HCRTR2: variants seen among roughly 807,000 people sequenced by gnomAD.
The protein encoded by HCRTR2 is orexin receptor type 2.
A neutral mutation model predicts 49.0 loss-of-function variants in HCRTR2; 22 were observed. The observed-to-expected ratio is 0.45, with a 90% confidence interval of 0.32 to 0.64. HCRTR2 has a LOEUF of 0.64. Among genes scored for constraint, HCRTR2 ranks in the 30% least tolerant of loss-of-function variants. The pLI is 0.04. For missense variants in HCRTR2, 491 were observed against 559.4 expected (o/e 0.88, Z 1.23); for synonymous variants, 236 against 205.3 (o/e 1.15, Z -1.28).
intron 1 of HCRTR2, among the ~76,000 whole-genome samples, chr6:55,247,136 GTGTGTGTGTGAATA>G (rs1013382503): frequency 1.5e-4 from 23 of 151,980 alleles, no homozygotes; most frequent in African/African-American, 5.5e-4. Context: ...GGGTGGGTTT[GTGTGTGTGTGAATA>G]TGTGTGTGTG....
chr6:55,282,202 C>T (rs778334041), intron 6 of HCRTR2, 23 bp from the exon 7 acceptor site: 5 of 1,548,730 alleles, frequency 3.2e-6, no homozygotes, highest in Middle Eastern at 1.7e-4. Context: ...ATTCCTTTTC[C>T]TTTCATTCTC....
chr6:55,222,807 G>T (rs1765923936), intron 1 of HCRTR2, among the ~76,000 whole-genome samples: 1 of 152,174 alleles, frequency 6.6e-6, no homozygotes, highest in Admixed American at 6.5e-5. Context: ...TTGCATTTCA[G>T]TGGGTATAGA....
chr6:55,123,608 C>T (rs1282339213), intron 1 of HCRTR2, among the ~76,000 whole-genome samples: 1 of 151,978 alleles, frequency 6.6e-6, no homozygotes, highest in Non-Finnish European at 1.5e-5. Flanking sequence ...GTGTCTCTGC[C>T]AGGTTTTGCT....
At chr6:55,187,981 A>T (rs1327980807) in intron 1 of HCRTR2, among the ~76,000 whole-genome samples, 1 of 151,752 alleles carries the variant, frequency 6.6e-6, no homozygotes, top group South Asian at 2.1e-4. Context: ...ACAGGTTTTC[A>T]CCATGTTAGC....
rs187909334 is a variant in HCRTR2 at position 55,157,158 on chromosome 6, A to G, written c.-377-17053A>G. The stretch of plus-strand genomic sequence containing the variant: ...TACACACTCACAACTACCAGAGTTA[A>G]TAAATGGGTTCTACAAAGTTGCAGG... On this transcript the variant is annotated intron_variant, in intron 1 of 7. Transcript: ENST00000615358. Among the ~76,000 whole-genome samples the G allele has an allele frequency of 2.2e-3, 341 of 152,340 alleles. 1 individual carries two copies. Among genetic ancestry groups the G allele is most frequent in the African/African-American group, 7.9e-3 (329 of 41,580 alleles).
chr6:55,250,599 C>G (rs976826823), intron 2 of HCRTR2, among the ~76,000 whole-genome samples: 2 of 152,030 alleles, frequency 1.3e-5, no homozygotes, highest in African/African-American at 4.8e-5. Context: ...TAATGCACAG[C>G]GATAGCTTTC....
rs144236300 is a variant in HCRTR2 at position 55,275,521 on chromosome 6, T to C, written c.763-1859T>C. Among the ~76,000 whole-genome samples the C allele has an allele frequency of 2.6e-5, 4 of 151,918 alleles. No individual in the cohort carries two copies. In the East Asian group the frequency reaches 7.7e-4, roughly 29 times the overall value. On this transcript the variant is annotated intron_variant, in intron 4 of 6. Coordinates refer to ENST00000370862, the MANE Select transcript of HCRTR2 (RefSeq NM_001384272.1). ...ATGCAGGATTCAGCATCTTCTATCCTTATTTAGATCATTATCTAAAAAGGG... is the reference window on the plus strand; with the variant it reads ...ATGCAGGATTCAGCATCTTCTATCCCTATTTAGATCATTATCTAAAAAGGG...
intron 1 of HCRTR2, among the ~76,000 whole-genome samples, chr6:55,140,287 G>A (rs1764489894): frequency 6.6e-6 from 1 of 151,904 alleles, no homozygotes; most frequent in South Asian, 2.1e-4. Flanking sequence ...AAATATTAAG[G>A]CCTAGAATTG....
intron 1 of HCRTR2, among the ~76,000 whole-genome samples, chr6:55,245,826 CT>C (rs754922406): frequency 1.2e-4 from 18 of 151,958 alleles, no homozygotes; most frequent in Middle Eastern, 3.4e-3. Flanking sequence ...GAATGAATGC[CT>C]TTTTGATTTG....
intron 1 of HCRTR2, among the ~76,000 whole-genome samples, chr6:55,243,794 G>T (rs1318569270): frequency 2.0e-5 from 3 of 152,026 alleles, no homozygotes; most frequent in Non-Finnish European, 4.4e-5. Flanking sequence ...AAATACAAAA[G>T]AAATCCATAA....
chr6:55,245,234 C>G (rs1766409451), intron 1 of HCRTR2, among the ~76,000 whole-genome samples: 2 of 151,374 alleles, frequency 1.3e-5, no homozygotes, highest in African/African-American at 4.8e-5. Context: ...GTAATATTAT[C>G]TAACACAAAC....
At chr6:55,187,682 CTTTTT>C (rs5876430) in intron 1 of HCRTR2, among the ~76,000 whole-genome samples, 1 of 102,242 alleles carries the variant, frequency 9.8e-6, no homozygotes, top group East Asian at 3.2e-4. Flanking sequence ...ATTATTTGAT[CTTTTT>C]TTTTTTTTTT....
intron 4 of HCRTR2, among the ~76,000 whole-genome samples, chr6:55,272,883 A>T (rs1212131542): frequency 6.9e-6 from 1 of 145,384 alleles, no homozygotes; most frequent in Non-Finnish European, 1.5e-5. Context: ...AAGAAGTCAT[A>T]GACTGTGTGA....
At chr6:55,209,484 C>T (rs1469912269) in intron 1 of HCRTR2, among the ~76,000 whole-genome samples, 1 of 150,986 alleles carries the variant, frequency 6.6e-6, no homozygotes, top group Non-Finnish European at 1.5e-5. Context: ...CATGAAGAGG[C>T]TGTCATTTTT....
In HCRTR2 at chr6:55,124,864, C is replaced by T. The variant is rs192234776; in HGVS notation, c.-378+18319C>T. 1.9e-3 allele frequency among the ~76,000 whole-genome samples: 287 copies of T among 150,530 alleles called. 5 individuals carry two copies. The highest frequency in any genetic ancestry group is 3.5e-3 in the Middle Eastern group (1 of 282). On this transcript the variant is annotated intron_variant, in intron 1 of 7. Transcript: ENST00000615358. Reference sequence around the variant, plus strand: ...GATCCCTTTAGCATTATGTAATGCCCTTCTTTGTCTCTTTTGATCTTTGTT... The same window carrying T: ...GATCCCTTTAGCATTATGTAATGCCTTTCTTTGTCTCTTTTGATCTTTGTT...
chr6:55,114,799 G>A (rs902232138), intron 1 of HCRTR2, among the ~76,000 whole-genome samples: 1 of 151,682 alleles, frequency 6.6e-6, no homozygotes, highest in Non-Finnish European at 1.5e-5. Flanking sequence ...ATTTGAGCTG[G>A]TTATCTAATA....
At chr6:55,116,724 A>AAAAAAAAGC (rs372864594) in intron 1 of HCRTR2, among the ~76,000 whole-genome samples, 3 of 144,170 alleles carry the variant, frequency 2.1e-5, no homozygotes, top group Non-Finnish European at 4.6e-5. Context: ...AGAAAAAAAA[A>AAAAAAAAGC]AAAACTCTTA....
intron 1 of HCRTR2, among the ~76,000 whole-genome samples, chr6:55,204,946 C>T (rs1397114476): frequency 6.6e-6 from 1 of 151,966 alleles, no homozygotes; most frequent in Non-Finnish European, 1.5e-5. Flanking sequence ...CTAATGTGCC[C>T]AGCTGATTTT....
At chr6:55,119,947 A>G (rs1200342743) in intron 1 of HCRTR2, among the ~76,000 whole-genome samples, 1 of 151,980 alleles carries the variant, frequency 6.6e-6, no homozygotes, top group East Asian at 1.9e-4. Context: ...TGATTTTTGT[A>G]TAAGGTATAA....
Sources: gnomAD v4.1 joint callset for allele counts (sites outside exome capture counted in the v4.1 genomes callset) on GRCh38, gnomAD v4.1.1 for gene constraint, MANE v1.5 for transcripts, NCBI Gene and HGNC (gene_info 2026-07-23, HGNC 2026-07-21) for gene names.